The following B3GALT1 variants were observed in gnomAD, a reference collection of about 807,000 sequenced individuals.
B3GALT1 encodes beta-1,3-galactosyltransferase 1, also known as UDP-Gal:betaGlcNAc beta 1,3-galactosyltransferase, polypeptide 1.
B3GALT1 carries 10 observed loss-of-function variants against 23.2 expected under a neutral mutation model. The observed-to-expected ratio is 0.43, with a 90% confidence interval of 0.27 to 0.73. B3GALT1 has a LOEUF of 0.73. Among genes scored for constraint, B3GALT1 ranks in the 30% least tolerant of loss-of-function variants. The pLI is 0.21. For missense variants in B3GALT1, 299 were observed against 405.4 expected (o/e 0.74, Z 2.25); for synonymous variants, 156 against 141.5 (o/e 1.10, Z -0.73).
chr2:167,414,051 G>T (rs1698431318), intron 1 of B3GALT1, among the ~76,000 whole-genome samples: 1 of 152,002 alleles, frequency 6.6e-6, no homozygotes, highest in Non-Finnish European at 1.5e-5. Context: ...CATAACAAAA[G>T]ACAGATTAAA....
chr2:167,715,273 G>C, intron 3 of B3GALT1: 1 of 1,613,926 alleles, frequency 6.2e-7, no homozygotes, highest in Admixed American at 1.7e-5. Context: ...TCAGGGTCTT[G>C]ATGTGATTTT....
At chr2:167,375,676 G>T (rs1011185515) in intron 1 of B3GALT1, among the ~76,000 whole-genome samples, 5 of 152,080 alleles carry the variant, frequency 3.3e-5, no homozygotes, top group African/African-American at 1.2e-4. Flanking sequence ...ACTGATTTTT[G>T]TACATAGATT....
At chr2:167,749,599 C>T (rs953006668) in intron 3 of B3GALT1, among the ~76,000 whole-genome samples, 5 of 152,154 alleles carry the variant, frequency 3.3e-5, no homozygotes, top group Non-Finnish European at 7.3e-5. Flanking sequence ...AACTTTTAAT[C>T]AATTATTGAC....
chr2:167,388,372 A>G (rs1280372988), intron 1 of B3GALT1, among the ~76,000 whole-genome samples: 1 of 152,202 alleles, frequency 6.6e-6, no homozygotes, highest in African/African-American at 2.4e-5. Context: ...AAGACAAACC[A>G]TCTGTTCCAA....
intron 3 of B3GALT1, among the ~76,000 whole-genome samples, chr2:167,764,914 G>T (rs1687952742): frequency 1.3e-5 from 2 of 152,104 alleles, no homozygotes; most frequent in Non-Finnish European, 2.9e-5. Flanking sequence ...CCAGAGAAAA[G>T]GAGGTTCGGG....
At chr2:167,652,777 G>A (rs914592398) in intron 3 of B3GALT1, among the ~76,000 whole-genome samples, 2 of 152,158 alleles carry the variant, frequency 1.3e-5, no homozygotes, top group Non-Finnish European at 2.9e-5. Context: ...TGTCCCCAGT[G>A]ACTGTGGTAG....
intron 2 of B3GALT1, among the ~76,000 whole-genome samples, chr2:167,571,810 CCA>C (rs1261394701): frequency 4.6e-5 from 7 of 151,708 alleles, no homozygotes; most frequent in Admixed American, 1.3e-4. Context: ...ACATGCAACT[CCA>C]GAGAGCTGAA....
chr2:167,353,213 A>G (rs1697345159), intron 1 of B3GALT1, among the ~76,000 whole-genome samples: 1 of 152,210 alleles, frequency 6.6e-6, no homozygotes, highest in South Asian at 2.1e-4. Flanking sequence ...AAAACTGAAT[A>G]TATACAGGAT....
At chr2:167,341,938 T>G (rs934660956) in intron 1 of B3GALT1, among the ~76,000 whole-genome samples, 1 of 152,216 alleles carries the variant, frequency 6.6e-6, no homozygotes, top group Non-Finnish European at 1.5e-5. Flanking sequence ...TCTTAGTGAA[T>G]TTGGAAATTT....
intron 3 of B3GALT1, among the ~76,000 whole-genome samples, chr2:167,708,532 A>G (rs913439845): frequency 1.2e-4 from 18 of 152,178 alleles, no homozygotes; most frequent in African/African-American, 4.1e-4. Flanking sequence ...ACAGTGGCGC[A>G]TGCCTGTAAT....
chr2:167,866,100 C>T (rs1019064493), intron 4 of B3GALT1, among the ~76,000 whole-genome samples: 3 of 152,224 alleles, frequency 2.0e-5, no homozygotes, highest in Non-Finnish European at 4.4e-5. Flanking sequence ...GACCCTCATC[C>T]AGATAACTTC....
At chr2:167,294,607 G>A (rs750142699) in intron 1 of B3GALT1, among the ~76,000 whole-genome samples, 15 of 152,184 alleles carry the variant, frequency 9.9e-5, no homozygotes, top group Non-Finnish European at 2.2e-4. Flanking sequence ...TATCTGCTTA[G>A]GAAAGTTCTT....
intron 2 of B3GALT1, among the ~76,000 whole-genome samples, chr2:167,508,061 T>C (rs1699947608): frequency 6.6e-6 from 1 of 152,038 alleles, no homozygotes; most frequent in Non-Finnish European, 1.5e-5. Context: ...GTCCCTTTTA[T>C]AAGGACACTA....
At chr2:167,664,816 T>C (rs1276500710) in intron 3 of B3GALT1, among the ~76,000 whole-genome samples, 3 of 151,358 alleles carry the variant, frequency 2.0e-5, no homozygotes, top group Admixed American at 6.6e-5. Flanking sequence ...TGATTTTGTA[T>C]CCTGAGACTT....
intron 3 of B3GALT1, among the ~76,000 whole-genome samples, chr2:167,756,680 T>C (rs531071539): frequency 5.3e-5 from 8 of 152,330 alleles, no homozygotes; most frequent in Non-Finnish European, 1.0e-4. Context: ...CATCACCGCT[T>C]TCTGTTGATG....
intron 2 of B3GALT1, among the ~76,000 whole-genome samples, chr2:167,523,787 C>G (rs1431908): frequency 1.2e-3 from 186 of 151,932 alleles, no homozygotes; most frequent in African/African-American, 4.3e-3. Flanking sequence ...AGTATATACA[C>G]GATGTCCTGT....
intron 3 of B3GALT1, among the ~76,000 whole-genome samples, chr2:167,739,338 T>G (rs566362765): frequency 2.8e-4 from 43 of 152,250 alleles, no homozygotes; most frequent in Non-Finnish European, 5.7e-4. Context: ...CCCAGAAACC[T>G]ATTCATAAGA....
chr2:167,692,865 G>T (rs531955030), intron 3 of B3GALT1, among the ~76,000 whole-genome samples: 2 of 151,908 alleles, frequency 1.3e-5, no homozygotes, highest in South Asian at 2.1e-4. Flanking sequence ...ATTCTTCATG[G>T]CCTGTGGATA....
chr2:167,845,813 G>T (rs1031371443), intron 4 of B3GALT1, among the ~76,000 whole-genome samples: 1 of 151,904 alleles, frequency 6.6e-6, no homozygotes, highest in Admixed American at 6.6e-5. Flanking sequence ...AACTAGGGAG[G>T]CACCAGAGAA....
Sources: allele counts gnomAD v4.1 joint callset (sites outside exome capture counted in the v4.1 genomes callset), GRCh38; gene constraint gnomAD v4.1.1; transcripts MANE v1.5; gene names NCBI Gene and HGNC (gene_info 2026-07-23, HGNC 2026-07-21).